Variants in DOK6 observed in about 807,000 individuals in gnomAD.
DOK6 encodes downstream of tyrosine kinase 6.
DOK6 carries 22 observed loss-of-function variants against 44.0 expected under a neutral mutation model. That is an observed-to-expected ratio of 0.50 (90% CI 0.36 to 0.71). The LOEUF is 0.71. DOK6 is among the 30% of genes least tolerant of loss of function. DOK6 has a pLI of 0.00. For missense variants in DOK6, 340 were observed against 416.4 expected (o/e 0.82, Z 1.60); for synonymous variants, 166 against 145.5 (o/e 1.14, Z -1.01).
At chr18:69,701,384 A>C (rs1986516800) in intron 5 of DOK6, among the ~76,000 whole-genome samples, 1 of 152,260 alleles carries the variant, frequency 6.6e-6, no homozygotes, top group Non-Finnish European at 1.5e-5. Flanking sequence ...CCAATTTGCC[A>C]TGCAAGCATA....
intron 1 of DOK6, among the ~76,000 whole-genome samples, chr18:69,492,529 C>A (rs1980764725): frequency 6.6e-6 from 1 of 151,920 alleles, no homozygotes; most frequent in African/African-American, 2.4e-5. Flanking sequence ...CTTTGTCATT[C>A]AGATAATAAG....
intron 3 of DOK6, among the ~76,000 whole-genome samples, chr18:69,647,701 G>A (rs917951702): frequency 1.3e-4 from 20 of 152,136 alleles, no homozygotes; most frequent in African/African-American, 4.3e-4. Flanking sequence ...TGTGGGAGTA[G>A]GAGAAATGAA....
At chr18:69,617,053 C>T (rs1984301171) in intron 3 of DOK6, among the ~76,000 whole-genome samples, 2 of 151,384 alleles carry the variant, frequency 1.3e-5, no homozygotes, top group Admixed American at 1.3e-4. Flanking sequence ...ACTGAGTTTA[C>T]TTTTTGCCAA....
chr18:69,644,266 T>C (rs990235929), intron 3 of DOK6, among the ~76,000 whole-genome samples: 1 of 152,212 alleles, frequency 6.6e-6, no homozygotes, highest in Non-Finnish European at 1.5e-5. Context: ...TTAATTTGTA[T>C]GAGGTCCAGT....
chr18:69,828,040 A>G (rs997311773), intron 7 of DOK6, among the ~76,000 whole-genome samples: 2 of 151,870 alleles, frequency 1.3e-5, no homozygotes, highest in Non-Finnish European at 3.0e-5. Flanking sequence ...TCAGATCTCT[A>G]TCTAAACCGG....
intron 2 of DOK6, among the ~76,000 whole-genome samples, chr18:69,592,032 C>T (rs915415390): frequency 6.6e-5 from 10 of 152,116 alleles, no homozygotes; most frequent in South Asian, 2.1e-4. Flanking sequence ...CACTCCTCTT[C>T]GTACTATTTG....
chr18:69,736,192 T>G (rs1487910934), intron 5 of DOK6, among the ~76,000 whole-genome samples: 1 of 152,308 alleles, frequency 6.6e-6, no homozygotes, highest in African/African-American at 2.4e-5. Context: ...AGTGCCTAGG[T>G]TATAGTAGCT....
At chr18:69,681,885 A>G (rs1297151132) in intron 4 of DOK6, among the ~76,000 whole-genome samples, 4 of 152,226 alleles carry the variant, frequency 2.6e-5, no homozygotes, top group East Asian at 1.9e-4. Flanking sequence ...GACACAAAGG[A>G]TAGGTCCAAT....
At chr18:69,698,712 G>A in intron 5 of DOK6, 119 bp downstream of exon 5, 2 of 912,594 alleles carry the variant, frequency 2.2e-6, no homozygotes, top group South Asian at 3.0e-5. Context: ...TTTCATTCAG[G>A]GTAAAAGTTA....
intron 4 of DOK6, among the ~76,000 whole-genome samples, chr18:69,682,374 T>G (rs1599260709): frequency 6.6e-6 from 1 of 152,188 alleles, no homozygotes; most frequent in African/African-American, 2.4e-5. Flanking sequence ...TAAGCAGATC[T>G]TCGTTGTTCA....
chr18:69,724,713 G>T, intron 5 of DOK6: 1 of 152,158 alleles, frequency 6.6e-6, no homozygotes, highest in Admixed American at 6.5e-5. Context: ...GAGGGAGTGA[G>T]ACAGCCAGCT....
intron 2 of DOK6, among the ~76,000 whole-genome samples, chr18:69,575,979 T>C (rs1224183715): frequency 6.6e-6 from 1 of 152,104 alleles, no homozygotes; most frequent in Non-Finnish European, 1.5e-5. Flanking sequence ...ATTTTTATGC[T>C]CAAATATACT....
intron 5 of DOK6, 50 bp downstream of exon 5, chr18:69,698,643 T>C (rs747976986): frequency 6.4e-7 from 1 of 1,570,478 alleles, no homozygotes. Flanking sequence ...TATAACAGAG[T>C]CTGTATAACA....
intron 1 of DOK6, among the ~76,000 whole-genome samples, chr18:69,407,990 A>T (rs1429704632): frequency 6.6e-6 from 1 of 152,192 alleles, no homozygotes; most frequent in African/African-American, 2.4e-5. Flanking sequence ...TATAAGTCTT[A>T]TGGTAGGATT....
At chr18:69,494,283 C>G (rs910708696) in intron 1 of DOK6, among the ~76,000 whole-genome samples, 16 of 152,118 alleles carry the variant, frequency 1.1e-4, no homozygotes, top group Non-Finnish European at 7.4e-5. Context: ...TGAGACCAGT[C>G]TGGCCAACAT....
chr18:69,771,180 A>G (rs60498244), intron 7 of DOK6, among the ~76,000 whole-genome samples: 6,203 of 152,140 alleles, frequency 0.041, 365 homozygotes, highest in African/African-American at 0.13. Context: ...GTGAATAAAA[A>G]GGTAAAAATC....
chr18:69,797,694 T>C (rs1980785681), intron 7 of DOK6, among the ~76,000 whole-genome samples: 1 of 152,160 alleles, frequency 6.6e-6, no homozygotes, highest in Non-Finnish European at 1.5e-5. Context: ...TACTGTTTTC[T>C]ATTTGATGTT....
chr18:69,490,184 C>T (rs982883546), intron 1 of DOK6, among the ~76,000 whole-genome samples: 18 of 152,046 alleles, frequency 1.2e-4, no homozygotes, highest in African/African-American at 3.6e-4. Context: ...TGGGTGAATG[C>T]TCTGTTTGCA....
chr18:69,756,938 CATGTGTGCCGAGACTAAATAA>C (rs1979374339), intron 6 of DOK6, among the ~76,000 whole-genome samples: 3 of 152,200 alleles, frequency 2.0e-5, no homozygotes, highest in African/African-American at 7.2e-5. Context: ...GGGTCAGAGA[CATGTGTGCCGAGACTAAATAA>C]AACCATTTCT....
Sources: gnomAD v4.1 joint callset for allele counts (sites outside exome capture counted in the v4.1 genomes callset) on GRCh38, gnomAD v4.1.1 for gene constraint, MANE v1.5 for transcripts, NCBI Gene and HGNC (gene_info 2026-07-23, HGNC 2026-07-21) for gene names.